The following PTPRN2 variants were observed in gnomAD, a reference collection of about 807,000 sequenced individuals.
PTPRN2 encodes receptor-type tyrosine-protein phosphatase N2.
Under a neutral mutation model 118.8 loss-of-function variants are expected in PTPRN2, and 74 were observed. That is an observed-to-expected ratio of 0.62 (90% CI 0.52 to 0.76). The LOEUF is 0.76. Ranked by LOEUF, PTPRN2 falls within the 30% of genes least tolerant of loss-of-function variation. PTPRN2 has a pLI of 0.00. For missense variants in PTPRN2, 1,481 were observed against 1,394.4 expected (o/e 1.06, Z -0.99); for synonymous variants, 641 against 608.0 (o/e 1.05, Z -0.80).
chr7:157,574,381 A>G (rs777291883), intron 19 of PTPRN2: 1 of 533,868 alleles, frequency 1.9e-6, no homozygotes, highest in East Asian at 5.5e-5. Flanking sequence ...CTGGGCTCAT[A>G]TTACTAGCTG....
At chr7:158,298,063 A>G (rs1271006179) in intron 3 of PTPRN2, among the ~76,000 whole-genome samples, 2 of 152,140 alleles carry the variant, frequency 1.3e-5, no homozygotes, top group African/African-American at 2.4e-5. Context: ...CAATTTACCT[A>G]TGGTGGAATT....
intron 11 of PTPRN2, among the ~76,000 whole-genome samples, chr7:157,918,751 T>C (rs1798548751): frequency 6.6e-6 from 1 of 152,136 alleles, no homozygotes; most frequent in Non-Finnish European, 1.5e-5. Context: ...GACAACGATA[T>C]AGGGTTAATG....
chr7:158,146,714 C>G (rs1192667651), intron 6 of PTPRN2, among the ~76,000 whole-genome samples: 2 of 140,958 alleles, frequency 1.4e-5, no homozygotes, highest in African/African-American at 5.4e-5. Context: ...GAGCGAGACT[C>G]TGCCTCAAAA....
chr7:158,246,140 TTG>T (rs2150873485), intron 3 of PTPRN2, among the ~76,000 whole-genome samples: 1 of 151,956 alleles, frequency 6.6e-6, no homozygotes, highest in African/African-American at 2.4e-5. Flanking sequence ...AATTGATTGA[TTG>T]ATTGATTGAT....
intron 2 of PTPRN2, among the ~76,000 whole-genome samples, chr7:158,435,206 A>G (rs775674789): frequency 2.6e-5 from 4 of 152,216 alleles, no homozygotes; most frequent in Non-Finnish European, 4.4e-5. Flanking sequence ...AACTTTTTAA[A>G]AGGTTAATGT....
At chr7:157,873,748 T>C (rs1220734475) in intron 12 of PTPRN2, among the ~76,000 whole-genome samples, 1 of 152,014 alleles carries the variant, frequency 6.6e-6, no homozygotes, top group African/African-American at 2.4e-5. Context: ...GTCTCTGGGA[T>C]GGGCAGAGGG....
chr7:157,742,194 A>G (rs548303339), intron 12 of PTPRN2, among the ~76,000 whole-genome samples: 4 of 152,244 alleles, frequency 2.6e-5, no homozygotes, highest in Non-Finnish European at 5.9e-5. Context: ...GGCCAAAGTT[A>G]TCGAGGGCTT....
chr7:158,199,843 G>C (rs1041845443), intron 4 of PTPRN2, among the ~76,000 whole-genome samples: 1 of 152,190 alleles, frequency 6.6e-6, no homozygotes, highest in African/African-American at 2.4e-5. Flanking sequence ...AGCAGCTCCT[G>C]GGAGTGGGGA....
At chr7:157,751,407 T>C (rs1801457969) in intron 12 of PTPRN2, among the ~76,000 whole-genome samples, 1 of 152,156 alleles carries the variant, frequency 6.6e-6, no homozygotes, top group Non-Finnish European at 1.5e-5. Flanking sequence ...TGCATTTAAA[T>C]TAAATGTCAG....
chr7:158,309,175 G>A (rs1801512096), intron 3 of PTPRN2, among the ~76,000 whole-genome samples: 2 of 87,304 alleles, frequency 2.3e-5, no homozygotes, highest in Non-Finnish European at 5.1e-5. Flanking sequence ...AGGATGCAAA[G>A]TATTGATCCT....
At chr7:158,250,730 C>T (rs1027304776) in intron 3 of PTPRN2, among the ~76,000 whole-genome samples, 8 of 152,160 alleles carry the variant, frequency 5.3e-5, no homozygotes, top group African/African-American at 1.9e-4. Context: ...AATGTTGCGC[C>T]GTAGTCCTGA....
At chr7:157,910,314 G>A (rs1017754514) in intron 11 of PTPRN2, among the ~76,000 whole-genome samples, 7 of 150,272 alleles carry the variant, frequency 4.7e-5, no homozygotes, top group Non-Finnish European at 8.9e-5. Context: ...CCGTGGGGAC[G>A]GGTCCAGGAT....
chr7:158,119,796 T>G (rs540113730), intron 9 of PTPRN2, among the ~76,000 whole-genome samples: 112 of 152,172 alleles, frequency 7.4e-4, no homozygotes, highest in African/African-American at 2.6e-3. Flanking sequence ...CTATCTGAAG[T>G]TTCAAGCATC....
chr7:157,833,873 C>T lies in PTPRN2; in HGVS notation c.1788+64800G>A, dbSNP rs370513308. ...AGCATTGTGGCTTTCTGAGTCGAAT[C>T]GGACAGGACGTGGGCAGCTGGCGCT... On this transcript the variant is annotated intron_variant, in intron 12 of 22. Transcript: ENST00000389418. Among the ~76,000 whole-genome samples the T allele has an allele frequency of 8.5e-5, 13 of 152,336 alleles. No homozygotes were observed. In the South Asian group the frequency reaches 2.5e-3, roughly 29 times the overall value.
At chr7:158,576,747 G>A (rs2129451834) in intron 1 of PTPRN2, among the ~76,000 whole-genome samples, 1 of 152,094 alleles carries the variant, frequency 6.6e-6, no homozygotes, top group South Asian at 2.1e-4. Flanking sequence ...ACAACACTGA[G>A]AGCTCCCAAA....
In PTPRN2 at chr7:157,591,838, G is replaced by A. The variant is rs964906521; in HGVS notation, c.2496+3400C>T. Among the ~76,000 whole-genome samples, 1 of 152,226 alleles carries A rather than the reference G, an allele frequency of 6.6e-6. No individual in the cohort carries two copies. The highest frequency in any genetic ancestry group is 1.5e-5 in the Non-Finnish European group (1 of 68,040). On this transcript the variant is annotated intron_variant, in intron 17 of 22. Coordinates refer to ENST00000389418, the MANE Select transcript of PTPRN2 (RefSeq NM_002847.5). The surrounding 1 kb of genome is among the most constrained non-coding windows in gnomAD (Gnocchi z 4.4). ...GTGGGCAGCTCCTGTGTTCTGCACA[G>A]AGGGATCCCCAGGTTGAAGGATGAC...
intron 14 of PTPRN2, among the ~76,000 whole-genome samples, chr7:157,646,697 T>C (rs984002898): frequency 1.3e-5 from 2 of 151,986 alleles, no homozygotes; most frequent in African/African-American, 2.4e-5. Flanking sequence ...CCCAGGAGCG[T>C]CAAGCAGGAG....
In PTPRN2 at chr7:158,171,087, C is replaced by CACACATATATATAT. The variant is rs1334962513; in HGVS notation, c.550-3810_550-3797dup. Among the ~76,000 whole-genome samples, 4 of 133,328 alleles carry CACACATATATATAT rather than the reference C, an allele frequency of 3.0e-5. 1 individual carries two copies. The highest frequency in any genetic ancestry group is 1.2e-4 in the African/African-American group (4 of 33,000). The allele number at this position is 133,328 out of a possible 152,430, so 87.5% of individuals were successfully genotyped here. ...TACACATTATATACACATATATATACACACATATATATATACACATATATA... is the reference window on the plus strand; with the variant it reads ...TACACATTATATACACATATATATACACACATATATATATACACATATATATATACACATATATA... On this transcript the variant is annotated intron_variant, in intron 5 of 22. Coordinates refer to ENST00000389418, the MANE Select transcript of PTPRN2 (RefSeq NM_002847.5).
At chr7:157,638,003 T>C (rs1226535162) in intron 14 of PTPRN2, among the ~76,000 whole-genome samples, 1 of 152,184 alleles carries the variant, frequency 6.6e-6, no homozygotes, top group Non-Finnish European at 1.5e-5. Context: ...TATTTGAAAA[T>C]GCCGAAGTTC....
Sources: gnomAD v4.1 joint callset for allele counts (sites outside exome capture counted in the v4.1 genomes callset) on GRCh38, gnomAD v4.1.1 for gene constraint, Gnocchi (gnomAD v3.1) non-coding constraint, MANE v1.5 for transcripts, NCBI Gene and HGNC (gene_info 2026-07-23, HGNC 2026-07-21) for gene names.